Variants in SULF1 observed in about 807,000 individuals in gnomAD.
SULF1 encodes the protein sulfatase 1.
In SULF1, 46 loss-of-function variants were observed where a neutral mutation model predicts 110.5. The observed-to-expected ratio is 0.42, with a 90% confidence interval of 0.33 to 0.53. The LOEUF (loss-of-function observed/expected upper bound fraction) is 0.53, where lower values mean the gene tolerates loss of function less well. SULF1 is among the 20% of genes least tolerant of loss of function. The pLI is 0.12. For synonymous variants in SULF1, 371 were observed against 387.1 expected (o/e 0.96, Z 0.49); for missense variants, 941 against 1,094.2 (o/e 0.86, Z 1.98).
chr8:69,489,517 TAAGTC>T (rs1302110371), upstream of SULF1, among the ~76,000 whole-genome samples: 1 of 145,642 alleles, frequency 6.9e-6, no homozygotes, highest in African/African-American at 2.7e-5. Context: ...AAAAAAAAAA[TAAGTC>T]TAGCTTGCCA....
chr8:69,567,075 A>T (rs564659012), intron 5 of SULF1, among the ~76,000 whole-genome samples: 1 of 152,278 alleles, frequency 6.6e-6, no homozygotes, highest in South Asian at 2.1e-4. Context: ...ATAATTATTA[A>T]GCACCTCCTA....
chr8:69,545,303 G>GT (rs1814177210), intron 3 of SULF1, among the ~76,000 whole-genome samples: 1 of 152,048 alleles, frequency 6.6e-6, no homozygotes, highest in Non-Finnish European at 1.5e-5. Context: ...CTGGTCTGAC[G>GT]TTAAAGGCCG....
At chr8:69,516,368 G>A (rs1213069917) in intron 3 of SULF1, among the ~76,000 whole-genome samples, 1 of 133,690 alleles carries the variant, frequency 7.5e-6, no homozygotes, top group Non-Finnish European at 1.6e-5. Context: ...GAGAGTAAAG[G>A]GAGAAGTGCT....
At chr8:69,510,088 C>T (rs994520310) in intron 3 of SULF1, among the ~76,000 whole-genome samples, 1 of 152,040 alleles carries the variant, frequency 6.6e-6, no homozygotes, top group Non-Finnish European at 1.5e-5. Context: ...CATGTATGCA[C>T]CTAGTTATAA....
chr8:69,604,699 G>C, intron 12 of SULF1, 104 bp from the exon 13 acceptor site: 1 of 1,441,230 alleles, frequency 6.9e-7, no homozygotes, highest in South Asian at 1.2e-5. Flanking sequence ...GCTGTTTAAA[G>C]AATGTGGAGT....
intron 1 of SULF1, chr8:69,469,165 A>T (rs1808981016): frequency 6.6e-6 from 1 of 152,214 alleles, no homozygotes; most frequent in Non-Finnish European, 1.5e-5. Flanking sequence ...TCAAAATCAA[A>T]ATCTACTGTC....
Position 69,660,115 on chromosome 8 carries a change from T to C in SULF1, c.*1580T>C, listed in dbSNP as rs1349574736. The C allele has an allele frequency of 1.3e-5, 2 of 152,536 alleles. No individual in the cohort carries two copies. The highest frequency in any genetic ancestry group is 3.9e-4 in the East Asian group (2 of 5,190). The allele number at this position is 152,536 out of a possible 1,614,324, so 9.4% of individuals were successfully genotyped here. A position where few individuals can be genotyped will look rare whatever the true frequency, so the allele number is the denominator to read the frequency against. ...AAGCGTTCATCATACATCATACCTT[T>C]AAGATTGCTATATTTTGGGTTATTT... is the stretch of plus-strand genomic sequence containing the variant. On this transcript the variant is annotated 3_prime_UTR_variant, in exon 23 of 23. Transcript: ENST00000402687.
At chr8:69,499,886 A>G (rs1326277595) in intron 2 of SULF1, among the ~76,000 whole-genome samples, 2 of 152,090 alleles carry the variant, frequency 1.3e-5, no homozygotes, top group Non-Finnish European at 2.9e-5. Context: ...AGTAGCTGAT[A>G]TTACAGGTGC....
chr8:69,495,043 G>A (rs759038089), intron 1 of SULF1, among the ~76,000 whole-genome samples: 1 of 152,058 alleles, frequency 6.6e-6, no homozygotes, highest in Non-Finnish European at 1.5e-5. Flanking sequence ...GGAGGAAAAG[G>A]AAACTTTTAT....
intron 1 of SULF1, among the ~76,000 whole-genome samples, chr8:69,493,912 G>A (rs367837364): frequency 2.0e-5 from 3 of 152,174 alleles, no homozygotes; most frequent in African/African-American, 4.8e-5. Flanking sequence ...TCAACAAGAG[G>A]TGAATTTAAA....
At chr8:69,592,045 A>G (rs1295767380) in intron 8 of SULF1, among the ~76,000 whole-genome samples, 1 of 152,174 alleles carries the variant, frequency 6.6e-6, no homozygotes, top group Non-Finnish European at 1.5e-5. Context: ...AGGGCTGTGG[A>G]GCGGGGAGGG....
chr8:69,641,516 G>A (rs1040720167), intron 22 of SULF1, among the ~76,000 whole-genome samples: 5 of 152,056 alleles, frequency 3.3e-5, no homozygotes, highest in South Asian at 4.1e-4. Flanking sequence ...GAGCCCAAGC[G>A]GGAGGATTGC....
Position 69,629,572 on chromosome 8 carries a change from A to T in SULF1, c.2177A>T (p.Glu726Val). The T allele has an allele frequency of 8.1e-6, 13 of 1,614,092 alleles. No homozygotes were observed. Among genetic ancestry groups the T allele is most frequent in the Non-Finnish European group, 1.1e-5 (13 of 1,179,952 alleles). Residue 726 changes from glutamate (E) to valine (V), a missense_variant, in exon 19 of 23, where the codon GAG becomes GTG. Transcript: ENST00000402687. ...FKENNRRRKK[E>V]RKEKRRQRKG... ...GAGAACAACCGTAGGAGGAAGAAGG[A>T]GAGGAAGGAGAAGAGACGGCAGAGG...
intron 3 of SULF1, among the ~76,000 whole-genome samples, chr8:69,502,743 A>C (rs1156935879): frequency 8.0e-6 from 1 of 125,380 alleles, no homozygotes; most frequent in Non-Finnish European, 1.6e-5. Context: ...GCTGGAGTGT[A>C]GTGGTGTGAT....
At chr8:69,605,931 C>T (rs758726138) in intron 13 of SULF1, among the ~76,000 whole-genome samples, 3 of 152,144 alleles carry the variant, frequency 2.0e-5, no homozygotes, top group African/African-American at 7.2e-5. Flanking sequence ...ATAACTCAGG[C>T]CACTTGCTGC....
At chr8:69,618,607 C>T (rs1809363367) in intron 13 of SULF1, among the ~76,000 whole-genome samples, 1 of 152,154 alleles carries the variant, frequency 6.6e-6, no homozygotes, top group African/African-American at 2.4e-5. Context: ...GTCCCTTGAG[C>T]TCCTGCTTCT....
In SULF1 at chr8:69,604,881, AG is replaced by A; in HGVS notation, c.1327del (p.Glu443AsnfsTer83). The A allele has an allele frequency of 6.2e-7, 1 of 1,614,256 alleles. No individual in the cohort carries two copies. The highest frequency in any genetic ancestry group is 8.5e-7 in the Non-Finnish European group (1 of 1,180,036). ...NHLPKYERVK[E>X]LCQQARYQTA... ...ACTTGCCCAAATATGAACGGGTCAA[AG>A]AACTATGCCAGCAGGCCAGGTACCA... On this transcript the variant is annotated frameshift_variant, in exon 13 of 23. Transcript: ENST00000402687. LOFTEE classifies it high-confidence loss of function.
intron 19 of SULF1, among the ~76,000 whole-genome samples, chr8:69,637,215 C>T (rs1448527844): frequency 6.6e-6 from 1 of 152,182 alleles, no homozygotes; most frequent in Non-Finnish European, 1.5e-5. Flanking sequence ...TCTCATGTAG[C>T]TGTAAGAGGA....
At chr8:69,580,710 T>A (rs1328555108) in intron 6 of SULF1, among the ~76,000 whole-genome samples, 1 of 152,222 alleles carries the variant, frequency 6.6e-6, no homozygotes, top group African/African-American at 2.4e-5. Flanking sequence ...TCACATGAAT[T>A]CTACCTCACA....
Sources: gnomAD v4.1 joint callset for allele counts (sites outside exome capture counted in the v4.1 genomes callset) on GRCh38, gnomAD v4.1.1 for gene constraint, MANE v1.5 for transcripts, NCBI Gene and HGNC (gene_info 2026-07-23, HGNC 2026-07-21) for gene names.